Variants in LTF observed in about 807,000 individuals in gnomAD.
LTF encodes the protein epididymis luminal protein 110.
In LTF, 91 loss-of-function variants were observed where a neutral mutation model predicts 87.2. The observed-to-expected ratio is 1.04, with a 90% CI of 0.88 to 1.24. The LOEUF (loss-of-function observed/expected upper bound fraction) is 1.24, where lower values mean the gene tolerates loss of function less well. LTF is among the 50% of genes most tolerant of loss of function. The probability of loss-of-function intolerance (pLI) is 0.00; values close to 1 mark genes in which losing one functional copy is unlikely to be tolerated. For missense variants in LTF, 901 were observed against 904.3 expected (o/e 1.00, Z 0.05); for synonymous variants, 378 against 356.1 (o/e 1.06, Z -0.69).
chr3:46,472,553 A>T (rs1258222801), intron 1 of LTF, among the ~76,000 whole-genome samples: 2 of 149,454 alleles, frequency 1.3e-5, no homozygotes, highest in Non-Finnish European at 3.0e-5. Context: ...AGAGAGAGAG[A>T]GAAGTTCTTG....
At chr3:46,482,917 A>G (rs1703470957) in intron 1 of LTF, among the ~76,000 whole-genome samples, 1 of 152,136 alleles carries the variant, frequency 6.6e-6, no homozygotes, top group Admixed American at 6.5e-5. Flanking sequence ...AAAGAAAAAC[A>G]TTTTCTCTAT....
intron 1 of LTF, among the ~76,000 whole-genome samples, chr3:46,475,737 A>T (rs1703353052): frequency 6.6e-6 from 1 of 152,140 alleles, no homozygotes; most frequent in African/African-American, 2.4e-5. Context: ...GAAATATAAA[A>T]CATAAATGTA....
At chr3:46,476,820 T>C (rs1703365049) in intron 1 of LTF, among the ~76,000 whole-genome samples, 9 of 152,248 alleles carry the variant, frequency 5.9e-5, no homozygotes, top group Admixed American at 5.9e-4. Flanking sequence ...GGTTTTCTGT[T>C]TAAAATTTTG....
chr3:46,463,525 C>A (rs1282261154), intron 1 of LTF: 1 of 985,412 alleles, frequency 1.0e-6, no homozygotes, highest in African/African-American at 1.7e-5. Flanking sequence ...TCAGGAAGGA[C>A]AAGGGTTGCA....
At chr3:46,447,777 G>T (rs987549796) in intron 9 of LTF, among the ~76,000 whole-genome samples, 1 of 152,046 alleles carries the variant, frequency 6.6e-6, no homozygotes, top group Non-Finnish European at 1.5e-5. Flanking sequence ...CACTCCAAGC[G>T]CTACACAGAA....
intron 1 of LTF, among the ~76,000 whole-genome samples, chr3:46,472,491 TGTG>T (rs1703305269): frequency 1.2e-5 from 1 of 80,842 alleles, no homozygotes; most frequent in Non-Finnish European, 2.4e-5. Context: ...AAGATTATTG[TGTG>T]TGTGTGTGTG....
chr3:46,453,443 T>G (rs2106873623), intron 6 of LTF, among the ~76,000 whole-genome samples: 1 of 151,214 alleles, frequency 6.6e-6, no homozygotes, highest in Admixed American at 6.6e-5. Context: ...TGTGGAGGTC[T>G]GTTTCTGGTG....
At position 46,459,716 on chromosome 3, in the gene LTF, ACGCACTTTTCTCATATT is replaced by A; in HGVS notation, c.130_146del (p.Asn44TrpfsTer30). ...TCTTTATGCAGCTGACAGGAGGGCC[ACGCACTTTTCTCATATT>A]CCTTTGCCATTGGAAGCATTTTGTG... On this transcript the variant is annotated frameshift_variant, in exon 2 of 17. Transcript: ENST00000231751. LOFTEE classifies it high-confidence loss of function. 6.3e-7 allele frequency: 1 copy of A among 1,580,410 alleles called. No individual in the cohort carries two copies. Among genetic ancestry groups the A allele is most frequent in the Non-Finnish European group, 8.6e-7 (1 of 1,166,248 alleles).
intron 1 of LTF, among the ~76,000 whole-genome samples, chr3:46,472,699 G>A (rs1015084420): frequency 6.6e-6 from 1 of 152,058 alleles, no homozygotes; most frequent in African/African-American, 2.4e-5. Context: ...CAGAACATGT[G>A]TTGTTGGAGG....
In LTF at chr3:46,478,527, G is replaced by A. The variant is rs190097454; in HGVS notation, c.-320+6459C>T. On this transcript the variant is annotated intron_variant, in intron 1 of 19. Transcript: ENST00000443496. ...CAAAGGGTGAGGCCAGGTCCACCCC[G>A]CTCTTAACCATCACTCCCCATCTTC... Among the ~76,000 whole-genome samples the A allele has an allele frequency of 4.9e-3, 744 of 152,284 alleles. 4 individuals are homozygous for A. Among genetic ancestry groups the A allele is most frequent in the Admixed American group, 0.015 (235 of 15,300 alleles).
intron 15 of LTF, among the ~76,000 whole-genome samples, chr3:46,438,465 C>A (rs1406639181): frequency 1.3e-5 from 2 of 152,212 alleles, no homozygotes; most frequent in Non-Finnish European, 2.9e-5. Flanking sequence ...TCTGCCCTCA[C>A]AAGTCAATTG....
At chr3:46,482,523 G>A (rs866455779) in intron 1 of LTF, among the ~76,000 whole-genome samples, 1 of 75,088 alleles carries the variant, frequency 1.3e-5, no homozygotes, top group Admixed American at 1.5e-4. Context: ...GGGAAGGGAA[G>A]GGAAGGGAAG....
upstream of LTF, among the ~76,000 whole-genome samples, chr3:46,466,576 G>A (rs956465673): frequency 5.3e-5 from 8 of 152,200 alleles, no homozygotes; most frequent in African/African-American, 1.9e-4. Context: ...TCCTGCCAAG[G>A]CACAGGGTGG....
chr3:46,459,519 G>T, intron 2 of LTF, 137 bp downstream of exon 2: 1 of 795,284 alleles, frequency 1.3e-6, no homozygotes, highest in Non-Finnish European at 1.8e-6. Context: ...ACAGTTCCCT[G>T]TGAGAGAGGA....
intron 1 of LTF, among the ~76,000 whole-genome samples, chr3:46,480,190 C>A (rs528007880): frequency 6.6e-6 from 1 of 152,160 alleles, no homozygotes; most frequent in African/African-American, 2.4e-5. Flanking sequence ...AAGTTAGAGG[C>A]CTTGAACTTT....
chr3:46,462,899 G>A (rs73065695), intron 1 of LTF, among the ~76,000 whole-genome samples: 10,861 of 152,076 alleles, frequency 0.071, 524 homozygotes, highest in Non-Finnish European at 0.11. Flanking sequence ...GCCGGAGGTG[G>A]GGGCTGAGCA....
intron 5 of LTF, among the ~76,000 whole-genome samples, chr3:46,454,954 C>T (rs1702890680): frequency 6.6e-6 from 1 of 152,214 alleles, no homozygotes; most frequent in African/African-American, 2.4e-5. Context: ...TGCCTTCAGT[C>T]CTGCTGTGGT....
chr3:46,446,401 ACT>A, intron 11 of LTF, 37 bp downstream of exon 11: 2 of 1,569,282 alleles, frequency 1.3e-6, no homozygotes, highest in Non-Finnish European at 1.8e-6. Flanking sequence ...AGCAACAAGA[ACT>A]TATCCTTGAC....
intron 6 of LTF, among the ~76,000 whole-genome samples, chr3:46,450,972 G>A (rs868688717): frequency 6.6e-5 from 10 of 152,114 alleles, no homozygotes; most frequent in East Asian, 1.9e-4. Context: ...CTGTTTCTGC[G>A]GCATCTCTGC....
Sources: allele counts gnomAD v4.1 joint callset (sites outside exome capture counted in the v4.1 genomes callset), GRCh38; gene constraint gnomAD v4.1.1; transcripts MANE v1.5; gene names NCBI Gene and HGNC (gene_info 2026-07-23, HGNC 2026-07-21).